EIF2S2: variants seen among roughly 807,000 people sequenced by gnomAD.
EIF2S2 encodes the protein eukaryotic translation initiation factor 2 subunit beta, also known as eukaryotic translation initiation factor 2 subunit 2.
In EIF2S2, 4 loss-of-function variants were observed where a neutral mutation model predicts 44.0. That is an observed-to-expected ratio of 0.09 (90% CI 0.04 to 0.21). The LOEUF is 0.21. EIF2S2 is among the 10% of genes least tolerant of loss of function. EIF2S2 has a pLI of 1.00. For synonymous variants in EIF2S2, 108 were observed against 128.3 expected, an observed-to-expected ratio of 0.84 and a Z score of 1.07; for missense variants, 154 against 392.0, an observed-to-expected ratio of 0.39 and a Z score of 5.13.
At chr20:34,096,231 C>T (rs1046628213) in intron 6 of EIF2S2, among the ~76,000 whole-genome samples, 4 of 151,954 alleles carry the variant, frequency 2.6e-5, no homozygotes, top group African/African-American at 9.7e-5. Context: ...TTTCTCTCAC[C>T]TCTGAATGCA....
At chr20:34,093,628 T>G in intron 7 of EIF2S2, 47 bp downstream of exon 7, 1 of 1,487,376 alleles carries the variant, frequency 6.7e-7, no homozygotes, top group African/African-American at 1.4e-5. Context: ...GAAAGGTTCT[T>G]ATGAAATGTC....
intron 3 of EIF2S2, among the ~76,000 whole-genome samples, chr20:34,100,186 TG>T (rs1278570645): frequency 6.6e-6 from 1 of 152,152 alleles, no homozygotes; most frequent in African/African-American, 2.4e-5. Flanking sequence ...AGCTAATTTT[TG>T]TATTTTTGGT....
intron 1 of EIF2S2, among the ~76,000 whole-genome samples, chr20:34,107,172 G>A (rs938742652): frequency 2.0e-5 from 3 of 151,290 alleles, no homozygotes; most frequent in Non-Finnish European, 2.9e-5. Context: ...AGCAAGACTC[G>A]GTCTCGAAAA....
chr20:34,103,003 G>A (rs1223434991), intron 3 of EIF2S2, among the ~76,000 whole-genome samples: 1 of 152,208 alleles, frequency 6.6e-6, no homozygotes, highest in Non-Finnish European at 1.5e-5. Context: ...AAACTAGCCT[G>A]AGTGCTCTGG....
Position 34,098,465 on chromosome 20 carries a change from C to T in EIF2S2, c.433+33G>A, listed in dbSNP as rs763771621. 2.5e-6 allele frequency: 4 copies of T among 1,610,310 alleles called. No individual in the cohort carries two copies. In the Admixed American group the frequency reaches 5.0e-5, roughly 20 times the overall value. ...AGACCAGGGCCAAAGGCTTGAGTAA[C>T]CTCTAAATGTGCTGCTGAGTCCTCA... is the stretch of plus-strand genomic sequence containing the variant. On this transcript the variant is annotated intron_variant, in intron 4 of 8. Transcript: ENST00000374980.
In EIF2S2 at chr20:34,105,553, A is replaced by G; in HGVS notation, c.16-8T>C. On this transcript the variant is annotated splice_polypyrimidine_tract_variant and splice_region_variant and intron_variant, in intron 1 of 8. Transcript: ENST00000374980. ...AGTAGGATCAAAAATCATCTGTTTA[A>G]AAGACAAAAAACAAAAAGGGACCAA... 1 of 1,543,374 alleles carries G rather than the reference A, an allele frequency of 6.5e-7. No homozygotes were observed. The highest frequency in any genetic ancestry group is 8.7e-7 in the Non-Finnish European group (1 of 1,150,372).
Position 34,089,877 on chromosome 20 carries a change from T to C in EIF2S2, c.855A>G (p.Arg285=). 1 of 1,613,858 alleles carries C rather than the reference T, an allele frequency of 6.2e-7. No individual in the cohort carries two copies. The highest frequency in any genetic ancestry group is 8.5e-7 in the Non-Finnish European group (1 of 1,179,840). ...IKEYVTCHTC[R]SPDTILQKDT... ...CCTTCTGCAGGATTGTGTCCGGTGA[T>C]CGGCATGTGTGACAAGTGACATATT... Residue 285 remains arginine (R), a synonymous_variant, in exon 9 of 9, where the codon CGA becomes CGG. Transcript: ENST00000374980.
chr20:34,090,091 G>A (rs560571780), intron 8 of EIF2S2, among the ~76,000 whole-genome samples, 186 bp from the exon 9 acceptor site: 3 of 152,180 alleles, frequency 2.0e-5, no homozygotes, highest in East Asian at 1.9e-4. Context: ...TGGCGCTTCC[G>A]GCACTAAACA....
At chr20:34,098,387 A>G in intron 4 of EIF2S2, 111 bp downstream of exon 4, 1 of 1,222,216 alleles carries the variant, frequency 8.2e-7, no homozygotes, top group Non-Finnish European at 1.1e-6. Flanking sequence ...ATCAGTCAGT[A>G]GAAATAAGGG....
chr20:34,108,382 A>G (rs2034372188), intron 1 of EIF2S2: 1 of 152,202 alleles, frequency 6.6e-6, no homozygotes, highest in Non-Finnish European at 1.5e-5. Context: ...TTTTATTCAT[A>G]CCATCCTGCG....
intron 3 of EIF2S2, among the ~76,000 whole-genome samples, chr20:34,102,516 G>C (rs754770233): frequency 2.6e-5 from 4 of 152,118 alleles, no homozygotes; most frequent in Non-Finnish European, 5.9e-5. Flanking sequence ...CTTATTTACT[G>C]AATTAACTGT....
At position 34,089,546 on chromosome 20, in the gene EIF2S2, A is replaced by C. The variant is rs2034138126; in HGVS notation, c.*184T>G. ...ATCACGTTTCTCTGACAGGTGTTAA[A>C]GTAGGCAATGAGTATGTCAACAGCT... is the stretch of plus-strand genomic sequence containing the variant. On this transcript the variant is annotated 3_prime_UTR_variant, in exon 9 of 9. Coordinates refer to ENST00000374980, the MANE Select transcript of EIF2S2 (RefSeq NM_003908.5). 8.6e-6 allele frequency: 5 copies of C among 580,092 alleles called. No homozygotes were observed. In the Admixed American group the frequency reaches 1.1e-4, roughly 13 times the overall value. 35.9% of individuals were successfully genotyped at this position (580,092 alleles called of 1,614,324 possible). A position where few individuals can be genotyped will look rare whatever the true frequency, so the allele number is the denominator to read the frequency against.
At chr20:34,093,770 T>C in intron 6 of EIF2S2, 39 bp from the exon 7 acceptor site, 1 of 1,533,698 alleles carries the variant, frequency 6.5e-7, no homozygotes, top group African/African-American at 1.4e-5. Context: ...TTATCTCTCA[T>C]GGAAATCTCA....
chr20:34,096,473 A>G (rs1251702194), intron 6 of EIF2S2, among the ~76,000 whole-genome samples, 184 bp downstream of exon 6: 2 of 152,170 alleles, frequency 1.3e-5, no homozygotes, highest in Non-Finnish European at 1.5e-5. Context: ...CTTTAATAAA[A>G]TAAAACAGCC....
At chr20:34,103,986 G>A (rs2034322218) in intron 2 of EIF2S2, among the ~76,000 whole-genome samples, 1 of 152,120 alleles carries the variant, frequency 6.6e-6, no homozygotes, top group Non-Finnish European at 1.5e-5. Flanking sequence ...TGGGATTACA[G>A]GCGTGAGCCA....
At chr20:34,093,229 G>A (rs2034188580) in intron 7 of EIF2S2, among the ~76,000 whole-genome samples, 1 of 152,130 alleles carries the variant, frequency 6.6e-6, no homozygotes, top group Non-Finnish European at 1.5e-5. Flanking sequence ...CCTGAAGACA[G>A]GTAAGTACCT....
chr20:34,111,701 C>T (rs1235296026), intron 1 of EIF2S2, among the ~76,000 whole-genome samples: 1 of 152,254 alleles, frequency 6.6e-6, no homozygotes, highest in Non-Finnish European at 1.5e-5. Context: ...AGGCTCCTCG[C>T]GGCACCCCTG....
At chr20:34,097,966 C>T (rs1438029065) in intron 4 of EIF2S2, among the ~76,000 whole-genome samples, 1 of 152,072 alleles carries the variant, frequency 6.6e-6, no homozygotes, top group Non-Finnish European at 1.5e-5. Context: ...AAAATCGGGG[C>T]CGGGCGCTGT....
Position 34,089,440 on chromosome 20 carries a change from T to C in EIF2S2, c.*290A>G. The stretch of plus-strand genomic sequence containing the variant: ...TGAAGGACAAACCAAATTGAAAGAA[T>C]CACTGTTATAATAACTTTAATTTAT... On this transcript the variant is annotated 3_prime_UTR_variant, in exon 9 of 9. Coordinates refer to ENST00000374980, the MANE Select transcript of EIF2S2 (RefSeq NM_003908.5). The C allele has an allele frequency of 3.1e-6, 1 of 322,046 alleles. No individual in the cohort carries two copies. The highest frequency in any genetic ancestry group is 5.6e-6 in the Non-Finnish European group (1 of 178,724). The allele number at this position is 322,046 out of a possible 1,614,324, so 19.9% of individuals were successfully genotyped here. A position where few individuals can be genotyped will look rare whatever the true frequency, so the allele number is the denominator to read the frequency against.
Sources: gnomAD v4.1 joint callset for allele counts (sites outside exome capture counted in the v4.1 genomes callset) on GRCh38, gnomAD v4.1.1 for gene constraint, MANE v1.5 for transcripts, NCBI Gene and HGNC (gene_info 2026-07-23, HGNC 2026-07-21) for gene names.